The following DNA2 variants were observed in gnomAD, a reference collection of about 807,000 sequenced individuals.
The protein encoded by DNA2 is DNA replication helicase/nuclease 2.
In DNA2, 101 loss-of-function variants were observed where a neutral mutation model predicts 119.1. The ratio of observed to expected loss-of-function variants is 0.85; its 90% CI spans 0.72 to 1.00. DNA2 has a LOEUF of 1.00. DNA2 is among the 50% of genes least tolerant of loss of function. The pLI, the probability that DNA2 is intolerant of heterozygous loss-of-function variation, is 0.00. For synonymous variants in DNA2, 366 were observed against 424.4 expected (o/e 0.86, Z 1.69); for missense variants, 1,121 against 1,255.5 (o/e 0.89, Z 1.62).
intron 6 of DNA2, among the ~76,000 whole-genome samples, chr10:68,448,858 A>G (rs2052075190): frequency 6.6e-6 from 1 of 150,864 alleles, no homozygotes; most frequent in Non-Finnish European, 1.5e-5. Context: ...GCTCACTACA[A>G]CCTCTGCCTC....
At chr10:68,436,640 C>T (rs574706189) in intron 10 of DNA2, among the ~76,000 whole-genome samples, 2 of 152,162 alleles carry the variant, frequency 1.3e-5, no homozygotes, top group Non-Finnish European at 2.9e-5. Flanking sequence ...CATGTTATAA[C>T]ATGAAGATGA....
chr10:68,430,367 T>C, intron 14 of DNA2, 69 bp downstream of exon 14: 2 of 1,133,598 alleles, frequency 1.8e-6, no homozygotes, highest in South Asian at 3.0e-5. Flanking sequence ...TTTCCCAGAG[T>C]ACAGTTTCTC....
Position 68,442,921 on chromosome 10 carries a change from C to A in DNA2, c.1411G>T (p.Glu471Ter). The part of the protein sequence containing the change: ...HQNIWLMPAS[E>*]MEKSGSCIGN... ...TGTACTAAATGGACCACTTACATTTCCGAAGCAGGCATTAGCCAGATATTT... is the reference window on the plus strand; with the variant it reads ...TGTACTAAATGGACCACTTACATTTACGAAGCAGGCATTAGCCAGATATTT... The change falls in exon 9 of 21, where the codon GAA becomes TAA. Residue 471 changes from glutamate (E) to a stop codon, truncating the protein, a stop_gained. Coordinates refer to ENST00000358410, the MANE Select transcript of DNA2 (RefSeq NM_001080449.3). LOFTEE classifies it high-confidence loss of function. The A allele has an allele frequency of 6.2e-7, 1 of 1,608,750 alleles. No homozygotes were observed. Among genetic ancestry groups the A allele is most frequent in the Non-Finnish European group, 8.5e-7 (1 of 1,177,818 alleles).
At chr10:68,439,371 G>A (rs1374203001) in intron 9 of DNA2, among the ~76,000 whole-genome samples, 1 of 151,866 alleles carries the variant, frequency 6.6e-6, no homozygotes, top group Non-Finnish European at 1.5e-5. Context: ...CCCAGCCTGG[G>A]GAACATGAGC....
chr10:68,458,685 C>T (rs957601938), intron 5 of DNA2, among the ~76,000 whole-genome samples: 1 of 150,622 alleles, frequency 6.6e-6, no homozygotes, highest in Non-Finnish European at 1.5e-5. Flanking sequence ...CCTGTCTCTA[C>T]TAAAAATACA....
At chr10:68,461,935 A>G (rs532971779) in intron 4 of DNA2, among the ~76,000 whole-genome samples, 1 of 151,570 alleles carries the variant, frequency 6.6e-6, no homozygotes, top group East Asian at 1.9e-4. Flanking sequence ...GAGACACCTT[A>G]CCTCAAAAAA....
At chr10:68,458,185 A>G (rs1455637403) in intron 5 of DNA2, among the ~76,000 whole-genome samples, 1 of 151,866 alleles carries the variant, frequency 6.6e-6, no homozygotes, top group Non-Finnish European at 1.5e-5. Context: ...AAAAAAAAAG[A>G]ATCAAATGAT....
intron 4 of DNA2, 40 bp from the exon 5 acceptor site, chr10:68,459,275 G>A (rs370424872): frequency 3.9e-4 from 577 of 1,471,902 alleles, no homozygotes; most frequent in Non-Finnish European, 3.7e-4. Context: ...AGACTTAAGC[G>A]GTACCTGCCA....
intron 14 of DNA2, among the ~76,000 whole-genome samples, chr10:68,428,258 G>A (rs866164591): frequency 4.0e-5 from 6 of 150,952 alleles, no homozygotes; most frequent in South Asian, 4.2e-4. Context: ...GCTGGAAGGC[G>A]GAGCTTGCAG....
At chr10:68,434,394 T>C (rs1345981771) in intron 10 of DNA2, among the ~76,000 whole-genome samples, 11 of 152,168 alleles carry the variant, frequency 7.2e-5, no homozygotes, top group Admixed American at 7.2e-4. Context: ...ATGCCTATAA[T>C]GCTAGCACTT....
intron 5 of DNA2, among the ~76,000 whole-genome samples, chr10:68,457,013 A>G (rs1210296360): frequency 6.6e-6 from 1 of 151,828 alleles, no homozygotes; most frequent in Non-Finnish European, 1.5e-5. Flanking sequence ...AGGCACCTGT[A>G]GTCCCAGCTA....
chr10:68,445,219 C>A, intron 7 of DNA2, 136 bp from the exon 8 acceptor site: 1 of 799,770 alleles, frequency 1.3e-6, no homozygotes, highest in East Asian at 2.7e-5. Context: ...AATCCCAACA[C>A]TTGGGGAGGC....
intron 9 of DNA2, among the ~76,000 whole-genome samples, chr10:68,441,063 T>A (rs2051960784): frequency 6.6e-6 from 1 of 151,868 alleles, no homozygotes; most frequent in Non-Finnish European, 1.5e-5. Flanking sequence ...CATGGCACAG[T>A]GGCTCGCAGC....
chr10:68,456,098 T>C (rs1419592024), intron 5 of DNA2, among the ~76,000 whole-genome samples: 1 of 152,000 alleles, frequency 6.6e-6, no homozygotes. Flanking sequence ...GGTGTGCACC[T>C]GTAGTCCCAG....
chr10:68,415,060 C>G lies in DNA2; in HGVS notation c.3162G>C (p.Leu1054Phe). 6.3e-7 allele frequency: 1 copy of G among 1,580,336 alleles called. No individual in the cohort carries two copies. Among genetic ancestry groups the G allele is most frequent in the Non-Finnish European group, 8.6e-7 (1 of 1,160,994 alleles). Reference protein sequence around the residue: ...SREHESLCHILGDFQRE With the variant: ...SREHESLCHIFGDFQRE ...TGTTTTATTCTCTTTGAAAGTCACC[C>G]AATATGTGGCAAAGACTTTCATGTT... The change falls in exon 21 of 21, where the codon TTG becomes TTC. Residue 1054 changes from leucine to phenylalanine, a missense_variant. Physicochemically the swap from Leu to Phe is conservative, Grantham distance 22. Coordinates refer to ENST00000358410, the MANE Select transcript of DNA2 (RefSeq NM_001080449.3).
At chr10:68,434,132 G>A (rs929755390) in intron 10 of DNA2, among the ~76,000 whole-genome samples, 1 of 151,770 alleles carries the variant, frequency 6.6e-6, no homozygotes, top group East Asian at 1.9e-4. Context: ...AAAATTAGTC[G>A]GGCATGGTGG....
intron 1 of DNA2, among the ~76,000 whole-genome samples, chr10:68,471,143 C>T (rs192722106): frequency 6.6e-6 from 1 of 152,190 alleles, no homozygotes; most frequent in African/African-American, 2.4e-5. Context: ...AGTGATAACA[C>T]CAAACGCCTT....
chr10:68,444,875 AGTTCAT>A (rs2133402268), intron 8 of DNA2, 40 bp downstream of exon 8: 2 of 1,493,232 alleles, frequency 1.3e-6, no homozygotes, highest in East Asian at 4.5e-5. Context: ...TATTTAGTTG[AGTTCAT>A]ACTCAACTAG....
At chr10:68,421,816 C>CT (rs532516397) in intron 17 of DNA2, among the ~76,000 whole-genome samples, 4 of 136,926 alleles carry the variant, frequency 2.9e-5, no homozygotes, top group Non-Finnish European at 4.6e-5. Flanking sequence ...TTAGTTTTGC[C>CT]TTTTTTTTTC....
Sources: allele counts gnomAD v4.1 joint callset (sites outside exome capture counted in the v4.1 genomes callset), GRCh38; gene constraint gnomAD v4.1.1; transcripts MANE v1.5; gene names NCBI Gene and HGNC (gene_info 2026-07-23, HGNC 2026-07-21).